Variants in ITSN1 observed in about 807,000 individuals in gnomAD.
ITSN1 encodes the protein intersectin-1.
In ITSN1, 58 loss-of-function variants were observed where a neutral mutation model predicts 239.8. The ratio of observed to expected loss-of-function variants is 0.24; its 90% CI spans 0.20 to 0.30. ITSN1 has a LOEUF of 0.30. Among genes scored for constraint, ITSN1 ranks in the 10% least tolerant of loss-of-function variants. ITSN1 has a pLI of 1.00. For missense variants in ITSN1, 1,558 were observed against 2,103.3 expected, an observed-to-expected ratio of 0.74 and a Z score of 5.07; for synonymous variants, 780 against 770.8, an observed-to-expected ratio of 1.01 and a Z score of -0.20.
At chr21:33,764,684 A>T (rs146403452) in intron 9 of ITSN1, among the ~76,000 whole-genome samples, 1 of 152,226 alleles carries the variant, frequency 6.6e-6, no homozygotes. Context: ...ATAGCACCTA[A>T]GGAAATTTCA....
chr21:33,668,524 C>T (rs1324640746), intron 1 of ITSN1, among the ~76,000 whole-genome samples: 3 of 152,190 alleles, frequency 2.0e-5, no homozygotes, highest in Non-Finnish European at 4.4e-5. Context: ...TACCGCAGAT[C>T]CCTTTCTAGG....
intron 10 of ITSN1, among the ~76,000 whole-genome samples, chr21:33,766,740 AAACT>A (rs942316576): frequency 4.6e-5 from 7 of 152,364 alleles, no homozygotes; most frequent in Non-Finnish European, 8.8e-5. Flanking sequence ...CAAGCTGAGG[AAACT>A]GTGACTATGT....
intron 1 of ITSN1, among the ~76,000 whole-genome samples, chr21:33,677,233 CCTA>C (rs1330176003): frequency 6.6e-6 from 1 of 152,078 alleles, no homozygotes; most frequent in Non-Finnish European, 1.5e-5. Flanking sequence ...ATTTCCAGCT[CCTA>C]CTTCTCCCAA....
At chr21:33,718,923 G>A (rs2065322150) in intron 2 of ITSN1, 67 bp downstream of exon 2, 5 of 1,235,266 alleles carry the variant, frequency 4.0e-6, no homozygotes, top group Non-Finnish European at 5.9e-6. Context: ...TGATATTATG[G>A]CAAATTTAAA....
intron 14 of ITSN1, 147 bp downstream of exon 14, chr21:33,775,255 G>T: frequency 1.3e-6 from 1 of 769,414 alleles, no homozygotes. Context: ...CAGGGTCCTT[G>T]TGTGAAAAGT....
In ITSN1 at chr21:33,834,377, G is replaced by T; in HGVS notation, c.3422G>T (p.Ser1141Ile). 1 of 1,613,842 alleles carries T rather than the reference G, an allele frequency of 6.2e-7. No individual in the cohort carries two copies. The highest frequency in any genetic ancestry group is 8.5e-7 in the Non-Finnish European group (1 of 1,179,826). The change falls in exon 28 of 40, where the codon AGC (serine) becomes ATC (isoleucine). Residue 1141 changes from serine to isoleucine, a missense_variant. Ser to Ile is a moderately radical substitution (Grantham distance 142). Coordinates refer to ENST00000381318, the MANE Select transcript of ITSN1 (RefSeq NM_003024.3). ...NYVKLLSPGT[S>I]KITPTEPPKS... ...GTAAAGCTTCTAAGCCCTGGGACGA[G>T]CAAAATCACTCCAACAGAGCCACCT...
intron 20 of ITSN1, among the ~76,000 whole-genome samples, chr21:33,804,548 A>G (rs905990701): frequency 6.6e-6 from 1 of 152,224 alleles, no homozygotes; most frequent in Non-Finnish European, 1.5e-5. Context: ...GGGAAGACCA[A>G]ATGCTTTCAA....
chr21:33,747,538 A>G (rs1206329488), intron 5 of ITSN1, among the ~76,000 whole-genome samples: 1 of 152,216 alleles, frequency 6.6e-6, no homozygotes, highest in East Asian at 1.9e-4. Flanking sequence ...CAGACACATC[A>G]TAGTTAACCT....
At chr21:33,679,887 A>T (rs1204497481) in intron 1 of ITSN1, among the ~76,000 whole-genome samples, 1 of 151,712 alleles carries the variant, frequency 6.6e-6, no homozygotes, top group South Asian at 2.1e-4. Context: ...TTTAGTAGAG[A>T]CGAGGTTTCA....
At chr21:33,685,444 G>A (rs1313549216) in intron 1 of ITSN1, among the ~76,000 whole-genome samples, 1 of 151,936 alleles carries the variant, frequency 6.6e-6, no homozygotes, top group African/African-American at 2.4e-5. Flanking sequence ...CCAAGAGTTG[G>A]CCTTGAAAGG....
chr21:33,783,312 C>A (rs1246127149), intron 16 of ITSN1, among the ~76,000 whole-genome samples: 1 of 151,924 alleles, frequency 6.6e-6, no homozygotes, highest in Non-Finnish European at 1.5e-5. Context: ...AATAGTTGAC[C>A]TTTGGATTGA....
chr21:33,664,579 G>A (rs999562504), intron 1 of ITSN1, among the ~76,000 whole-genome samples: 9 of 152,212 alleles, frequency 5.9e-5, no homozygotes, highest in African/African-American at 2.2e-4. Flanking sequence ...ACACATAGCA[G>A]TTACTAGCTG....
intron 35 of ITSN1, among the ~76,000 whole-genome samples, chr21:33,883,226 G>A (rs147358557): frequency 2.0e-4 from 31 of 152,280 alleles, no homozygotes; most frequent in South Asian, 6.2e-4. Flanking sequence ...AAACATACCC[G>A]CAAAATCGTG....
At chr21:33,858,642 T>A in intron 30 of ITSN1, 44 bp from the exon 31 acceptor site, 1 of 1,298,864 alleles carries the variant, frequency 7.7e-7, no homozygotes. Context: ...GTGTGAGTTT[T>A]AAGCTAACTG....
rs950970163 is a variant in ITSN1, at chr21:33,888,486, T to G, written c.*186T>G. 173 of 603,706 alleles carry G rather than the reference T, an allele frequency of 2.9e-4. 1 individual carries two copies. Among genetic ancestry groups the G allele is most frequent in the Middle Eastern group, 2.2e-3 (5 of 2,280 alleles). The allele number at this position is 603,706 out of a possible 1,614,324, so 37.4% of individuals were successfully genotyped here. ...CAATCCTCCCTGCCCCGAAACAATT[T>G]CCTGTTTCATGAAACAAAGCTGTGT... On this transcript the variant is annotated 3_prime_UTR_variant, in exon 40 of 40. Coordinates refer to ENST00000381318, the MANE Select transcript of ITSN1 (RefSeq NM_003024.3).
At chr21:33,749,196 C>T (rs1301849435) in intron 5 of ITSN1, among the ~76,000 whole-genome samples, 1 of 151,982 alleles carries the variant, frequency 6.6e-6, no homozygotes, top group Admixed American at 6.6e-5. Flanking sequence ...TGCTATGTTG[C>T]CCTGTCTGGT....
chr21:33,866,539 G>A (rs1278240945), intron 32 of ITSN1, among the ~76,000 whole-genome samples: 1 of 152,006 alleles, frequency 6.6e-6, no homozygotes, highest in Non-Finnish European at 1.5e-5. Context: ...TGGGAATGTG[G>A]CACGTCGTTG....
chr21:33,838,057 CTG>C (rs1212873304), intron 29 of ITSN1: 1 of 985,774 alleles, frequency 1.0e-6, no homozygotes, highest in Non-Finnish European at 1.2e-6. Context: ...TTTAACTAGA[CTG>C]TGGAATTTCT....
chr21:33,674,891 A>G (rs1307024820), intron 1 of ITSN1, among the ~76,000 whole-genome samples: 1 of 152,094 alleles, frequency 6.6e-6, no homozygotes, highest in Non-Finnish European at 1.5e-5. Flanking sequence ...TATGTGTAGG[A>G]CTTTTGTTTT....
Sources: gnomAD v4.1 joint callset for allele counts (sites outside exome capture counted in the v4.1 genomes callset) on GRCh38, gnomAD v4.1.1 for gene constraint, MANE v1.5 for transcripts, NCBI Gene and HGNC (gene_info 2026-07-23, HGNC 2026-07-21) for gene names.